The following FAM83B variants were observed in gnomAD, a reference collection of about 807,000 sequenced individuals.
FAM83B encodes protein FAM83B.
In FAM83B, 26 loss-of-function variants were observed where a neutral mutation model predicts 38.8. The ratio of observed to expected loss-of-function variants is 0.67; its 90% CI spans 0.49 to 0.93. FAM83B has a LOEUF of 0.93. FAM83B is among the 40% of genes least tolerant of loss of function. The probability of loss-of-function intolerance (pLI) is 0.00; values close to 1 mark genes in which losing one functional copy is unlikely to be tolerated. For synonymous variants in FAM83B, 419 were observed against 423.1 expected, an observed-to-expected ratio of 0.99 and a Z score of 0.12; for missense variants, 1,237 against 1,197.3, an observed-to-expected ratio of 1.03 and a Z score of -0.49.
In FAM83B at chr6:54,943,763, A is replaced by G. The variant is rs1353396593; in HGVS notation, c.*1756A>G. The G allele has an allele frequency of 5.9e-5, 9 of 152,312 alleles. No individual in the cohort carries two copies. Among genetic ancestry groups the G allele is most frequent in the African/African-American group, 2.2e-4 (9 of 41,570 alleles). The allele number at this position is 152,312 out of a possible 1,614,324, so 9.4% of individuals were successfully genotyped here. A position where few individuals can be genotyped will look rare whatever the true frequency, so the allele number is the denominator to read the frequency against. On this transcript the variant is annotated 3_prime_UTR_variant, in exon 5 of 5. Coordinates refer to ENST00000306858, the MANE Select transcript of FAM83B (RefSeq NM_001010872.3). ...GGATAGGGAATTAGGATAATGAGCC[A>G]TTAGGCAGTTCTGAAATGGAAAGCC... is the stretch of plus-strand genomic sequence containing the variant.
At chr6:54,874,389 C>CT (rs1359784241) in intron 2 of FAM83B, among the ~76,000 whole-genome samples, 1 of 151,892 alleles carries the variant, frequency 6.6e-6, no homozygotes, top group African/African-American at 2.4e-5. Context: ...TTTACTGATT[C>CT]TTTTTTTGAA....
chr6:54,851,016 C>CAA (rs34700607), intron 1 of FAM83B, among the ~76,000 whole-genome samples: 5 of 83,514 alleles, frequency 6.0e-5, no homozygotes, highest in Admixed American at 1.5e-4. Context: ...AGACTCATCT[C>CAA]AAAAAAAAAA....
chr6:54,929,328 A>C (rs1773373807), intron 4 of FAM83B, among the ~76,000 whole-genome samples: 1 of 152,102 alleles, frequency 6.6e-6, no homozygotes, highest in Non-Finnish European at 1.5e-5. Flanking sequence ...AGGCAAGTTG[A>C]AAATGCCTTC....
intron 2 of FAM83B, among the ~76,000 whole-genome samples, chr6:54,899,119 C>A (rs1301842391): frequency 1.3e-5 from 2 of 151,976 alleles, no homozygotes; most frequent in Non-Finnish European, 2.9e-5. Context: ...AGTAAATGCC[C>A]AGCATATTTC....
intron 4 of FAM83B, among the ~76,000 whole-genome samples, chr6:54,933,854 TATG>T (rs1165938578): frequency 1.3e-5 from 2 of 152,122 alleles, no homozygotes; most frequent in Non-Finnish European, 1.5e-5. Context: ...AAGCCAGAAT[TATG>T]ATCCACAGTC....
At chr6:54,871,791 A>G (rs1449917412) in intron 2 of FAM83B, among the ~76,000 whole-genome samples, 3 of 150,034 alleles carry the variant, frequency 2.0e-5, no homozygotes, top group Non-Finnish European at 4.4e-5. Flanking sequence ...AAAAGTTACA[A>G]TTTTTAATTA....
At chr6:54,930,648 A>C (rs1009497272) in intron 4 of FAM83B, among the ~76,000 whole-genome samples, 1 of 152,128 alleles carries the variant, frequency 6.6e-6, no homozygotes, top group African/African-American at 2.4e-5. Context: ...GTTGCTGCTG[A>C]GAAGTTTCAG....
chr6:54,896,296 G>A (rs1022903208), intron 2 of FAM83B, among the ~76,000 whole-genome samples: 5 of 152,226 alleles, frequency 3.3e-5, no homozygotes, highest in East Asian at 3.9e-4. Flanking sequence ...TACCTTTCTG[G>A]ATTTGGCTAC....
At chr6:54,886,704 A>AT (rs1469317079) in intron 2 of FAM83B, among the ~76,000 whole-genome samples, 7 of 151,090 alleles carry the variant, frequency 4.6e-5, no homozygotes, top group Non-Finnish European at 8.9e-5. Flanking sequence ...TAGCGTGTTG[A>AT]TTTTTTTATA....
chr6:54,907,091 G>A (rs564484849), intron 2 of FAM83B, among the ~76,000 whole-genome samples: 14 of 152,124 alleles, frequency 9.2e-5, no homozygotes, highest in African/African-American at 1.7e-4. Flanking sequence ...TTTTTAATAC[G>A]TGCTATGCAT....
chr6:54,890,251 G>T (rs1772370884), intron 2 of FAM83B, among the ~76,000 whole-genome samples: 1 of 152,104 alleles, frequency 6.6e-6, no homozygotes, highest in Non-Finnish European at 1.5e-5. Context: ...CCAACCTTTT[G>T]CTAAGTTACA....
intron 1 of FAM83B, among the ~76,000 whole-genome samples, chr6:54,852,586 G>A (rs563329791): frequency 1.2e-4 from 18 of 152,350 alleles, no homozygotes; most frequent in African/African-American, 4.1e-4. Context: ...CAAGGGAATG[G>A]AAGAGTTGCA....
intron 2 of FAM83B, among the ~76,000 whole-genome samples, chr6:54,896,466 A>G (rs539992780): frequency 6.6e-5 from 10 of 152,294 alleles, no homozygotes; most frequent in Admixed American, 5.9e-4. Flanking sequence ...AAGTTCTCTG[A>G]TCTTCTTTCC....
intron 4 of FAM83B, among the ~76,000 whole-genome samples, chr6:54,937,691 G>A (rs1162971204): frequency 6.6e-6 from 1 of 152,058 alleles, no homozygotes; most frequent in African/African-American, 2.4e-5. Flanking sequence ...TGGACACGAG[G>A]AAAGTGAAGC....
chr6:54,939,390 A>G (rs1773602087), intron 4 of FAM83B, among the ~76,000 whole-genome samples: 1 of 151,982 alleles, frequency 6.6e-6, no homozygotes. Context: ...TCTTCTTATT[A>G]TGTGAAAAAT....
intron 2 of FAM83B, among the ~76,000 whole-genome samples, chr6:54,913,339 T>C (rs1772957616): frequency 6.6e-6 from 1 of 152,158 alleles, no homozygotes; most frequent in African/African-American, 2.4e-5. Context: ...TCATAGCCAC[T>C]ATTTAATGCT....
chr6:54,915,161 A>T (rs1773005555), intron 2 of FAM83B, among the ~76,000 whole-genome samples: 1 of 151,828 alleles, frequency 6.6e-6, no homozygotes. Flanking sequence ...AGATGTGTGG[A>T]TGGATAGATG....
chr6:54,944,614 T>C lies in FAM83B; in HGVS notation c.*2607T>C, dbSNP rs1423605431. On this transcript the variant is annotated 3_prime_UTR_variant, in exon 5 of 5. Transcript: ENST00000306858. ...AATCAAGATGATGTCTAGTGTCACCTAAATAATGCAAAAAGTTTAATTCTG... is the reference window on the plus strand; with the variant it reads ...AATCAAGATGATGTCTAGTGTCACCCAAATAATGCAAAAAGTTTAATTCTG... 1 of 152,190 alleles carries C rather than the reference T, an allele frequency of 6.6e-6. No individual in the cohort carries two copies. The highest frequency in any genetic ancestry group is 2.4e-5 in the African/African-American group (1 of 41,442). 9.4% of individuals were successfully genotyped at this position (152,190 alleles called of 1,614,324 possible). A position where few individuals can be genotyped will look rare whatever the true frequency, so the allele number is the denominator to read the frequency against.
At chr6:54,869,388 G>A (rs186682957) in intron 1 of FAM83B, among the ~76,000 whole-genome samples, 20 of 152,124 alleles carry the variant, frequency 1.3e-4, no homozygotes, top group Admixed American at 5.9e-4. Context: ...ACAAAACTTT[G>A]TGTCCGTCCA....
Sources: gnomAD v4.1 joint callset for allele counts (sites outside exome capture counted in the v4.1 genomes callset) on GRCh38, gnomAD v4.1.1 for gene constraint, MANE v1.5 for transcripts, NCBI Gene and HGNC (gene_info 2026-07-23, HGNC 2026-07-21) for gene names.